Variants in KHDRBS2 observed in about 807,000 individuals in gnomAD.
The protein encoded by KHDRBS2 is KH RNA binding domain containing, signal transduction associated 2, also known as KH domain-containing, RNA-binding, signal transduction-associated protein 2.
In KHDRBS2, 26 loss-of-function variants were observed where a neutral mutation model predicts 44.3. That is an observed-to-expected ratio of 0.59 (90% CI 0.43 to 0.81). The LOEUF (loss-of-function observed/expected upper bound fraction) is 0.81, where lower values mean the gene tolerates loss of function less well. KHDRBS2 is among the 40% of genes least tolerant of loss of function. KHDRBS2 has a pLI of 0.00. For synonymous variants in KHDRBS2, 194 were observed against 151.1 expected (o/e 1.28, Z -2.08); for missense variants, 476 against 433.1 (o/e 1.10, Z -0.88).
chr6:62,123,483 T>C (rs1562917151), intron 2 of KHDRBS2, among the ~76,000 whole-genome samples: 2 of 152,228 alleles, frequency 1.3e-5, no homozygotes, highest in Non-Finnish European at 2.9e-5. Context: ...CACTGTCTTC[T>C]ACAATGGTTG....
chr6:61,732,741 AC>A lies in KHDRBS2; in HGVS notation c.833del (p.Gly278ValfsTer32), dbSNP rs1296902982. On this transcript the variant is annotated frameshift_variant, in exon 7 of 9. Transcript: ENST00000281156. LOFTEE classifies it high-confidence loss of function. Reference protein sequence around the residue: ...EEYGYDDGYGGEYDDQTYETY... With the variant: ...EEYGYDDGYGXEYDDQTYETY... ...TCTCATAGGTCTGGTCATCATATTC[AC>A]CCCCGTAGCCATCATCATAACCCTG... The A allele has an allele frequency of 1.9e-6, 3 of 1,609,318 alleles. No homozygotes were observed. The highest frequency in any genetic ancestry group is 2.6e-6 in the Non-Finnish European group (3 of 1,175,954).
intron 4 of KHDRBS2, among the ~76,000 whole-genome samples, chr6:61,930,873 T>C (rs1170794675): frequency 6.6e-6 from 1 of 152,244 alleles, no homozygotes; most frequent in East Asian, 1.9e-4. Flanking sequence ...CTCTGTTTCA[T>C]TTAAATGTTA....
intron 1 of KHDRBS2, among the ~76,000 whole-genome samples, chr6:62,236,962 T>C (rs952395486): frequency 6.6e-6 from 1 of 152,130 alleles, no homozygotes; most frequent in African/African-American, 2.4e-5. Context: ...TCAAAAGAGA[T>C]TATTTGATGA....
intron 6 of KHDRBS2, among the ~76,000 whole-genome samples, chr6:61,755,545 C>T (rs1319140768): frequency 2.0e-5 from 3 of 152,052 alleles, no homozygotes; most frequent in Non-Finnish European, 4.4e-5. Context: ...GGCACAGTGG[C>T]TCATGTCTAT....
chr6:61,946,203 G>A (rs746773180), intron 4 of KHDRBS2, among the ~76,000 whole-genome samples: 1 of 152,208 alleles, frequency 6.6e-6, no homozygotes, highest in Non-Finnish European at 1.5e-5. Flanking sequence ...ACATATTTGT[G>A]TACTACTCTC....
chr6:62,162,265 G>T (rs567412694), intron 2 of KHDRBS2, among the ~76,000 whole-genome samples: 1 of 152,062 alleles, frequency 6.6e-6, no homozygotes, highest in Non-Finnish European at 1.5e-5. Context: ...TGCAAGGAAG[G>T]TCTAGTGGCA....
chr6:61,970,294 G>T (rs897451156), intron 4 of KHDRBS2, among the ~76,000 whole-genome samples: 6 of 151,604 alleles, frequency 4.0e-5, no homozygotes, highest in Non-Finnish European at 7.4e-5. Context: ...ATAAAGTAAA[G>T]AGCTGATTAG....
chr6:61,952,415 T>A (rs1289761837), intron 4 of KHDRBS2, among the ~76,000 whole-genome samples: 2 of 152,094 alleles, frequency 1.3e-5, no homozygotes. Flanking sequence ...GTCATGATAA[T>A]TTTTTAGTTT....
intron 1 of KHDRBS2, among the ~76,000 whole-genome samples, chr6:62,253,060 C>T (rs1210036523): frequency 6.6e-6 from 1 of 151,910 alleles, no homozygotes; most frequent in Admixed American, 6.6e-5. Context: ...ATCACCTACC[C>T]CAGAGATTTC....
intron 6 of KHDRBS2, among the ~76,000 whole-genome samples, chr6:61,880,200 T>C (rs994951487): frequency 6.6e-6 from 1 of 151,790 alleles, no homozygotes; most frequent in African/African-American, 2.4e-5. Context: ...GATAAGACAA[T>C]AGAGACAGTC....
At chr6:61,560,971 A>T in the KHDRBS2 span, among the ~76,000 whole-genome samples, 224 of 152,226 alleles carry the variant, frequency 1.5e-3, no homozygotes, top group African/African-American at 5.1e-3. Flanking sequence ...AAAGCTTTTC[A>T]GGTATTCACA....
At chr6:61,616,744 G>A in the KHDRBS2 span, among the ~76,000 whole-genome samples, 1 of 152,006 alleles carries the variant, frequency 6.6e-6, no homozygotes, top group Non-Finnish European at 1.5e-5. Context: ...ACTCAAAGGG[G>A]TCAAGTGGCT....
chr6:61,850,447 A>G (rs569029891), intron 6 of KHDRBS2, among the ~76,000 whole-genome samples: 1 of 152,238 alleles, frequency 6.6e-6, no homozygotes, highest in South Asian at 2.1e-4. Flanking sequence ...TAGCACGGAG[A>G]AAGTTACTCT....
At chr6:62,096,892 C>T (rs1223335867) in intron 2 of KHDRBS2, among the ~76,000 whole-genome samples, 2 of 151,678 alleles carry the variant, frequency 1.3e-5, no homozygotes, top group East Asian at 1.9e-4. Context: ...TAAGTGAATG[C>T]TATAATTTTG....
In KHDRBS2 at chr6:62,285,984, A is replaced by C. The variant is rs755979065; in HGVS notation, c.-36T>G. ...TCGGATTGTCCCCGGGCGAAGCGCG[A>C]GGTTCCGCTCGCTCGGACGCAGGCA... On this transcript the variant is annotated 5_prime_UTR_variant, in exon 1 of 9. Transcript: ENST00000281156. 5.1e-6 allele frequency: 7 copies of C among 1,360,466 alleles called. No individual in the cohort carries two copies. In the South Asian group the frequency reaches 8.3e-5, roughly 16 times the overall value. The allele number at this position is 1,360,466 out of a possible 1,614,324, so 84.3% of individuals were successfully genotyped here.
intron 6 of KHDRBS2, among the ~76,000 whole-genome samples, chr6:61,862,561 T>C (rs1797146387): frequency 1.3e-5 from 2 of 152,144 alleles, no homozygotes; most frequent in Non-Finnish European, 2.9e-5. Context: ...GCCTTTTCTA[T>C]ATCTATTGAG....
At chr6:62,043,053 C>A (rs951021146) in intron 3 of KHDRBS2, among the ~76,000 whole-genome samples, 1 of 152,092 alleles carries the variant, frequency 6.6e-6, no homozygotes, top group Non-Finnish European at 1.5e-5. Flanking sequence ...AAGAAATTTG[C>A]TTTCAAGATC....
At chr6:61,701,474 C>G (rs1163263847) in intron 7 of KHDRBS2, among the ~76,000 whole-genome samples, 1 of 151,894 alleles carries the variant, frequency 6.6e-6, no homozygotes, top group Non-Finnish European at 1.5e-5. Flanking sequence ...TATATGACCC[C>G]TAGAACAATC....
intron 7 of KHDRBS2, among the ~76,000 whole-genome samples, chr6:61,697,840 C>CTACCCCTT (rs1192436286): frequency 6.6e-6 from 1 of 152,154 alleles, no homozygotes; most frequent in East Asian, 1.9e-4. Flanking sequence ...ACTCACTCTG[C>CTACCCCTT]TACCCCTTTA....
Sources: gnomAD v4.1 joint callset for allele counts (sites outside exome capture counted in the v4.1 genomes callset) on GRCh38, gnomAD v4.1.1 for gene constraint, MANE v1.5 for transcripts, NCBI Gene and HGNC (gene_info 2026-07-23, HGNC 2026-07-21) for gene names.